The following OVOL3 variants were observed in gnomAD, a reference collection of about 807,000 sequenced individuals.
The protein encoded by OVOL3 is ovo like zinc finger 3.
Under a neutral mutation model 13.6 loss-of-function variants are expected in OVOL3, and 15 were observed. The ratio of observed to expected loss-of-function variants is 1.11; its 90% CI spans 0.74 to 1.70. The LOEUF (loss-of-function observed/expected upper bound fraction) is 1.70, where lower values mean the gene tolerates loss of function less well. OVOL3 is among the 40% of genes most tolerant of loss of function. OVOL3 has a pLI of 0.00. For synonymous variants in OVOL3, 102 were observed against 108.5 expected, an observed-to-expected ratio of 0.94 and a Z score of 0.37; for missense variants, 290 against 280.6, an observed-to-expected ratio of 1.03 and a Z score of -0.24.
intron 2 of OVOL3, 87 bp downstream of exon 2, chr19:36,111,520 G>T (rs147386664): frequency 5.9e-6 from 8 of 1,360,876 alleles, no homozygotes; most frequent in Non-Finnish European, 8.1e-6. Flanking sequence ...TTGCTCCCCC[G>T]ACCCATCTGC....
rs1457782665 is a variant in OVOL3, at chr19:36,112,947, A to C, written c.347A>C (p.His116Pro). ...CATGACGCCTTCGATCTCAAGCGCC[A>C]CATGAGGACTCACACTGGTGAGCAG... ...GFHDAFDLKRHMRTHTGIRPF... is the reference protein window; with the variant it reads ...GFHDAFDLKRPMRTHTGIRPF... Residue 116 changes from histidine (H) to proline (P), a missense_variant, in exon 3 of 4, where the codon CAC (histidine) becomes CCC (proline). His to Pro is a moderately conservative substitution (Grantham distance 77). Coordinates refer to ENST00000633214, the MANE Select transcript of OVOL3 (RefSeq NM_001302757.2). 4.6e-6 allele frequency: 7 copies of C among 1,536,288 alleles called. 1 individual carries two copies. In the East Asian group the frequency reaches 1.7e-4, roughly 38 times the overall value.
rs567812870 is a variant in OVOL3, at chr19:36,112,017, A to G, written c.159+584A>G. On this transcript the variant is annotated intron_variant, in intron 2 of 3. Transcript: ENST00000633214. ...TGAGTTCGAGACCAGGCTGGCCAAC[A>G]TGTTGAAACCTTGTCTCTACTAAAA... Among the ~76,000 whole-genome samples the G allele has an allele frequency of 8.5e-5, 13 of 152,228 alleles. No homozygotes were observed. In the South Asian group the frequency reaches 2.3e-3, roughly 27 times the overall value.
Position 36,112,768 on chromosome 19 carries a change from A to G in OVOL3, c.168A>G (p.Thr56=). The change falls in exon 3 of 4, where the codon ACA becomes ACG. Residue 56 remains threonine (T), a synonymous_variant. Transcript: ENST00000633214. ...SVRDPWTAQP[T]QGNLTSAPRG... is the part of the protein sequence containing the mutation. ...CTCCTGCATCCCTCCAGCAGCCCAC[A>G]CAGGGCAACCTGACCTCTGCTCCCA... 1 of 1,533,882 alleles carries G rather than the reference A, an allele frequency of 6.5e-7. No individual in the cohort carries two copies. The highest frequency in any genetic ancestry group is 8.7e-7 in the Non-Finnish European group (1 of 1,146,302).
rs143300678 is a variant in OVOL3, at chr19:36,112,698, CA to C, written c.160-61del. The C allele has an allele frequency of 2.1e-3, 2,974 of 1,411,942 alleles. 19 individuals carry two copies. Among genetic ancestry groups the C allele is most frequent in the African/African-American group, 0.016 (1,101 of 70,086 alleles). 87.5% of individuals were successfully genotyped at this position (1,411,942 alleles called of 1,614,324 possible). ...AGGACACTCTGTAAATACTCATTTG[CA>C]GAGTAACAAAGGGTGGATGGGGTCC... On this transcript the variant is annotated intron_variant, in intron 2 of 3. Coordinates refer to ENST00000633214, the MANE Select transcript of OVOL3 (RefSeq NM_001302757.2).
In OVOL3 at chr19:36,111,234, G is replaced by A. The variant is rs1023983483; in HGVS notation, c.32G>A (p.Arg11His). The A allele has an allele frequency of 5.2e-6, 8 of 1,535,720 alleles. No homozygotes were observed. The highest frequency in any genetic ancestry group is 2.0e-5 in the Admixed American group (1 of 50,972). ...CGCGCCTTCCTGGTCAGGAGTCGGC[G>A]TCCACAGCCCCCCAACTGGGGCCAT... is the stretch of plus-strand genomic sequence containing the variant. MPRAFLVRSRRPQPPNWGHLP... is the reference protein window; with the variant it reads MPRAFLVRSRHPQPPNWGHLP... Residue 11 changes from arginine (R) to histidine (H), a missense_variant, in exon 1 of 4, where the codon CGT becomes CAT. Transcript: ENST00000633214.
chr19:36,111,268 C>A lies in OVOL3; in HGVS notation c.66C>A (p.Asp22Glu). ...CCCCCAACTGGGGCCATCTGCCTGA[C>A]CAGCTCCGGGGAGATGCCTATATCC... is the stretch of plus-strand genomic sequence containing the variant. ...PQPPNWGHLP[D>E]QLRGDAYIPD... Residue 22 changes from aspartate to glutamate, a missense_variant, in exon 1 of 4, where the codon GAC becomes GAA. Physicochemically the swap from Asp to Glu is conservative, Grantham distance 45 (BLOSUM62 2). Coordinates refer to ENST00000633214, the MANE Select transcript of OVOL3 (RefSeq NM_001302757.2). 1.3e-6 allele frequency: 2 copies of A among 1,536,060 alleles called. No individual in the cohort carries two copies. The highest frequency in any genetic ancestry group is 8.7e-7 in the Non-Finnish European group (1 of 1,146,888).
rs776916266 is a variant in OVOL3, at chr19:36,113,614, C to T, written c.526C>T (p.Arg176Trp). The change falls in exon 4 of 4, where the codon CGG becomes TGG. Residue 176 changes from arginine to tryptophan, a missense_variant. Arg to Trp is a moderately radical substitution (Grantham distance 101). Coordinates refer to ENST00000633214, the MANE Select transcript of OVOL3 (RefSeq NM_001302757.2). ...VCEDCGFTSS[R>W]PDTYAQHRAL... The stretch of plus-strand genomic sequence containing the variant: ...CGAGGACTGCGGCTTCACCAGCTCC[C>T]GGCCCGACACCTACGCACAGCACCG... 1.3e-6 allele frequency: 2 copies of T among 1,543,074 alleles called. No homozygotes were observed. The highest frequency in any genetic ancestry group is 1.7e-6 in the Non-Finnish European group (2 of 1,146,904).
At position 36,111,272 on chromosome 19, in the gene OVOL3, C is replaced by G. The variant is rs1332383580; in HGVS notation, c.70C>G (p.Leu24Val). 6.5e-7 allele frequency: 1 copy of G among 1,535,958 alleles called. No individual in the cohort carries two copies. The highest frequency in any genetic ancestry group is 8.7e-7 in the Non-Finnish European group (1 of 1,146,886). ...CAACTGGGGCCATCTGCCTGACCAG[C>G]TCCGGGGAGATGCCTATATCCCAGG... Reference protein sequence around the residue: ...PPNWGHLPDQLRGDAYIPDCS... With the variant: ...PPNWGHLPDQVRGDAYIPDCS... The change falls in exon 1 of 4, where the codon CTC becomes GTC. Residue 24 changes from leucine (L) to valine (V), a missense_variant. Leu to Val is a conservative substitution (Grantham distance 32). Coordinates refer to ENST00000633214, the MANE Select transcript of OVOL3 (RefSeq NM_001302757.2).
chr19:36,112,734 G>A, intron 2 of OVOL3, 26 bp from the exon 3 acceptor site: 4 of 1,518,960 alleles, frequency 2.6e-6, no homozygotes, highest in African/African-American at 1.4e-5. Flanking sequence ...CAGCCAGAGA[G>A]GCTAATAACT....
At chr19:36,113,382 G>A (rs1599859568) in intron 3 of OVOL3, 71 bp from the exon 4 acceptor site, 4 of 1,439,288 alleles carry the variant, frequency 2.8e-6, no homozygotes, top group Admixed American at 2.0e-5. Context: ...TGGAAAGCAG[G>A]GTGGGGGCGC....
chr19:36,111,741 C>T (rs894332291), intron 2 of OVOL3: 20 of 562,076 alleles, frequency 3.6e-5, no homozygotes, highest in South Asian at 9.2e-5. Flanking sequence ...AACAGGAGTG[C>T]GATGGGAGAT....
rs752884957 is a variant in OVOL3, at chr19:36,111,182, G to A, written c.-21G>A. On this transcript the variant is annotated 5_prime_UTR_variant, in exon 1 of 4. It adds an upstream start codon to the 5' untranslated region. Coordinates refer to ENST00000633214, the MANE Select transcript of OVOL3 (RefSeq NM_001302757.2). ...CAGCAGGTGGAAGCAGCCCCTGTGTGTGGAGAGCCTTCCGGAGGGCATGCC... is the reference window on the plus strand; with the variant it reads ...CAGCAGGTGGAAGCAGCCCCTGTGTATGGAGAGCCTTCCGGAGGGCATGCC... 2 of 1,522,890 alleles carry A rather than the reference G, an allele frequency of 1.3e-6. No homozygotes were observed. The highest frequency in any genetic ancestry group is 1.4e-5 in the African/African-American group (1 of 72,904). 94.3% of individuals were successfully genotyped at this position (1,522,890 alleles called of 1,614,324 possible). A position where few individuals can be genotyped will look rare whatever the true frequency, so the allele number is the denominator to read the frequency against.
In OVOL3 at chr19:36,113,501, G is replaced by A; in HGVS notation, c.413G>A (p.Arg138His). 2.0e-6 allele frequency: 3 copies of A among 1,536,122 alleles called. No individual in the cohort carries two copies. The highest frequency in any genetic ancestry group is 2.6e-6 in the Non-Finnish European group (3 of 1,146,880). Residue 138 changes from arginine to histidine, a missense_variant, in exon 4 of 4, where the codon CGC (arginine) becomes CAC (histidine). Coordinates refer to ENST00000633214, the MANE Select transcript of OVOL3 (RefSeq NM_001302757.2). ...CSACGKAFTQ[R>H]CSLEAHLAKV... ...GCTTGCGGGAAAGCGTTTACGCAGC[G>A]CTGCTCCCTGGAAGCTCACCTTGCT...
At chr19:36,112,658 C>T (rs1973850818) in intron 2 of OVOL3, 102 bp from the exon 3 acceptor site, 5 of 1,103,952 alleles carry the variant, frequency 4.5e-6, no homozygotes, top group East Asian at 5.2e-5. Context: ...CCTTCCTAAT[C>T]CTCCGTGGTG....
At position 36,111,403 on chromosome 19, in the gene OVOL3, G is replaced by A. The variant is rs1166243663; in HGVS notation, c.129G>A (p.Gln43=). ...CSSLGGPPAQ[Q]SSSVRDPWTA... is the part of the protein sequence containing the mutation. Reference sequence around the variant, plus strand: ...GCCTGGGGGGGCCACCGGCACAACAGTCGTCCAGTGTCAGGGATCCGTGGA... The same window carrying A: ...GCCTGGGGGGGCCACCGGCACAACAATCGTCCAGTGTCAGGGATCCGTGGA... Residue 43 remains glutamine, a synonymous_variant, in exon 2 of 4, where the codon CAG becomes CAA. Coordinates refer to ENST00000633214, the MANE Select transcript of OVOL3 (RefSeq NM_001302757.2). The A allele has an allele frequency of 2.0e-6, 3 of 1,535,940 alleles. No individual in the cohort carries two copies. In the East Asian group the frequency reaches 7.3e-5, roughly 38 times the overall value.
chr19:36,111,753 A>T (rs1276480912), intron 2 of OVOL3: 2 of 541,152 alleles, frequency 3.7e-6, no homozygotes, highest in Non-Finnish European at 7.1e-6. Context: ...ATGGGAGATA[A>T]GGGCTTTTTC....
chr19:36,113,590 G>A lies in OVOL3; in HGVS notation c.502G>A (p.Glu168Lys), dbSNP rs1456115706. Reference sequence around the variant, plus strand: ...GCGCCGCGAGAAGCTGCACGTGTGCGAGGACTGCGGCTTCACCAGCTCCCG... The same window carrying A: ...GCGCCGCGAGAAGCTGCACGTGTGCAAGGACTGCGGCTTCACCAGCTCCCG... The part of the protein sequence containing the change: ...RERREKLHVC[E>K]DCGFTSSRPD... Residue 168 changes from glutamate (E) to lysine (K), a missense_variant, in exon 4 of 4, where the codon GAG becomes AAG. Glu to Lys is a moderately conservative substitution (Grantham distance 56, BLOSUM62 1). Transcript: ENST00000633214. 1.3e-6 allele frequency: 2 copies of A among 1,539,858 alleles called. No individual in the cohort carries two copies. The highest frequency in any genetic ancestry group is 1.7e-6 in the Non-Finnish European group (2 of 1,146,902).
In OVOL3 at chr19:36,111,424, G is replaced by C; in HGVS notation, c.150G>C (p.Pro50=). The change falls in exon 2 of 4, where the codon CCG becomes CCC. Residue 50 remains proline, a synonymous_variant. Coordinates refer to ENST00000633214, the MANE Select transcript of OVOL3 (RefSeq NM_001302757.2). ...PAQQSSSVRD[P]WTAQPTQGNL... The stretch of plus-strand genomic sequence containing the variant: ...AACAGTCGTCCAGTGTCAGGGATCC[G>C]TGGACAGCGGTGAGTGTGTAACTGG... 1 of 1,535,922 alleles carries C rather than the reference G, an allele frequency of 6.5e-7. No individual in the cohort carries two copies. The highest frequency in any genetic ancestry group is 8.7e-7 in the Non-Finnish European group (1 of 1,146,782).
chr19:36,111,244 C>G lies in OVOL3; in HGVS notation c.42C>G (p.Pro14=). Residue 14 remains proline (P), a synonymous_variant, in exon 1 of 4, where the codon CCC becomes CCG. Coordinates refer to ENST00000633214, the MANE Select transcript of OVOL3 (RefSeq NM_001302757.2). ...AFLVRSRRPQ[P]PNWGHLPDQL... ...TGGTCAGGAGTCGGCGTCCACAGCC[C>G]CCCAACTGGGGCCATCTGCCTGACC... The G allele has an allele frequency of 6.5e-7, 1 of 1,535,964 alleles. No individual in the cohort carries two copies. Among genetic ancestry groups the G allele is most frequent in the East Asian group, 2.4e-5 (1 of 40,908 alleles).
Sources: allele counts gnomAD v4.1 joint callset (sites outside exome capture counted in the v4.1 genomes callset), GRCh38; gene constraint gnomAD v4.1.1; transcripts MANE v1.5; gene names NCBI Gene and HGNC (gene_info 2026-07-23, HGNC 2026-07-21).